MSRA: variants seen among roughly 807,000 people sequenced by gnomAD.
MSRA encodes the protein mitochondrial peptide methionine sulfoxide reductase.
In MSRA, 54 loss-of-function variants were observed where a neutral mutation model predicts 31.3. That is an observed-to-expected ratio of 1.73 (90% confidence interval 1.39 to 2.17). The LOEUF (loss-of-function observed/expected upper bound fraction) is 2.17. Among genes scored for constraint, MSRA ranks in the 30% most tolerant of loss-of-function variants. The probability of loss-of-function intolerance (pLI) is 0.00; values close to 1 mark genes in which losing one functional copy is unlikely to be tolerated. For missense variants in MSRA, 507 were observed against 300.9 expected, an observed-to-expected ratio of 1.69 and a Z score of -5.07; for synonymous variants, 169 against 116.5, an observed-to-expected ratio of 1.45 and a Z score of -2.90.
chr8:10,196,914 A>G (rs1270924798), intron 1 of MSRA, among the ~76,000 whole-genome samples: 2 of 152,172 alleles, frequency 1.3e-5, no homozygotes, highest in Non-Finnish European at 2.9e-5. Flanking sequence ...TATGATTTGT[A>G]TATGACTCTT....
At chr8:10,323,745 C>CGTGTGTATGT (rs1554526753) in intron 5 of MSRA, among the ~76,000 whole-genome samples, 1 of 142,622 alleles carries the variant, frequency 7.0e-6, no homozygotes, top group African/African-American at 2.6e-5. Context: ...GAATTAAATA[C>CGTGTGTATGT]GTGTGTGTGT....
At chr8:10,054,756 C>T (rs974120275) in intron 1 of MSRA, 98 bp downstream of exon 1, 1 of 1,290,840 alleles carries the variant, frequency 7.7e-7, no homozygotes, top group Non-Finnish European at 9.9e-7. Flanking sequence ...AAGCCGTGGG[C>T]TGGCCTCGGG....
At chr8:10,162,866 C>G (rs562749793) in intron 1 of MSRA, among the ~76,000 whole-genome samples, 3 of 152,298 alleles carry the variant, frequency 2.0e-5, no homozygotes, top group South Asian at 4.1e-4. Flanking sequence ...CCCTCCCCGC[C>G]TCAGCCACGA....
At chr8:10,386,390 A>G (rs967017421) in intron 5 of MSRA, among the ~76,000 whole-genome samples, 4 of 152,192 alleles carry the variant, frequency 2.6e-5, no homozygotes, top group African/African-American at 9.6e-5. Context: ...TGATGAACAG[A>G]TATACCTGAA....
At chr8:10,394,181 T>G (rs940343345) in intron 5 of MSRA, among the ~76,000 whole-genome samples, 1 of 152,216 alleles carries the variant, frequency 6.6e-6, no homozygotes, top group Non-Finnish European at 1.5e-5. Context: ...CATTGATCTT[T>G]CCAAAACCAA....
intron 4 of MSRA, among the ~76,000 whole-genome samples, chr8:10,314,142 C>A (rs1801586754): frequency 6.6e-6 from 1 of 151,840 alleles, no homozygotes; most frequent in Non-Finnish European, 1.5e-5. Flanking sequence ...AAATATTTGA[C>A]AAATTTAACT....
At chr8:10,292,824 C>T (rs1206555533) in intron 3 of MSRA, among the ~76,000 whole-genome samples, 2 of 152,058 alleles carry the variant, frequency 1.3e-5, no homozygotes, top group African/African-American at 4.8e-5. Flanking sequence ...GTGGGCGAGC[C>T]CTACAGGCTG....
At chr8:10,199,414 G>T (rs1452265115) in intron 1 of MSRA, among the ~76,000 whole-genome samples, 1 of 152,130 alleles carries the variant, frequency 6.6e-6, no homozygotes, top group Non-Finnish European at 1.5e-5. Context: ...GCACCTCCCG[G>T]GTTCAAGTGA....
intron 1 of MSRA, among the ~76,000 whole-genome samples, chr8:10,133,457 A>G (rs1423618959): frequency 4.6e-5 from 7 of 152,118 alleles, no homozygotes; most frequent in Non-Finnish European, 8.8e-5. Context: ...GGGCACAAAT[A>G]AGGTCTTAGG....
chr8:10,176,511 C>G (rs1426387706), intron 1 of MSRA, among the ~76,000 whole-genome samples: 1 of 152,204 alleles, frequency 6.6e-6, no homozygotes, highest in African/African-American at 2.4e-5. Context: ...TCCTTTGTTT[C>G]CTTCTTCATG....
At chr8:10,267,393 G>C (rs1382981180) in intron 3 of MSRA, among the ~76,000 whole-genome samples, 1 of 152,146 alleles carries the variant, frequency 6.6e-6, no homozygotes, top group Non-Finnish European at 1.5e-5. Context: ...ATTTTGGAAA[G>C]ACAAAATGGG....
At chr8:10,145,031 A>T (rs1803022568) in intron 1 of MSRA, among the ~76,000 whole-genome samples, 1 of 152,166 alleles carries the variant, frequency 6.6e-6, no homozygotes. Flanking sequence ...TTCAGACAAT[A>T]AATAGCTGTC....
At chr8:10,335,944 A>G (rs1171270225) in intron 5 of MSRA, among the ~76,000 whole-genome samples, 1 of 151,786 alleles carries the variant, frequency 6.6e-6, no homozygotes, top group Admixed American at 6.6e-5. Flanking sequence ...CAGGATGCAC[A>G]CTCCCGCTCC....
chr8:10,095,036 A>G (rs996295701), intron 1 of MSRA, among the ~76,000 whole-genome samples: 1 of 152,234 alleles, frequency 6.6e-6, no homozygotes, highest in African/African-American at 2.4e-5. Flanking sequence ...AACTATATTC[A>G]TTCTCCATAG....
intron 5 of MSRA, among the ~76,000 whole-genome samples, chr8:10,343,432 C>T (rs1442412583): frequency 6.6e-6 from 1 of 152,180 alleles, no homozygotes; most frequent in African/African-American, 2.4e-5. Context: ...GTTGAATAAC[C>T]TGCAGCATGA....
chr8:10,175,149 C>T (rs1425834730), intron 1 of MSRA, among the ~76,000 whole-genome samples: 1 of 152,138 alleles, frequency 6.6e-6, no homozygotes, highest in African/African-American at 2.4e-5. Context: ...GTCCCGGTCA[C>T]TTCACCATCT....
chr8:10,270,878 C>T (rs1026079427), intron 3 of MSRA, among the ~76,000 whole-genome samples: 1 of 152,138 alleles, frequency 6.6e-6, no homozygotes, highest in Admixed American at 6.5e-5. Context: ...GGGAGAGGCA[C>T]CCGGACACAA....
At chr8:10,293,534 C>G (rs886705894) in intron 3 of MSRA, among the ~76,000 whole-genome samples, 2 of 152,208 alleles carry the variant, frequency 1.3e-5, no homozygotes, top group African/African-American at 4.8e-5. Flanking sequence ...TCCAGCCTCC[C>G]CCACTTGATA....
At chr8:10,319,441 C>G (rs1400663564) in intron 4 of MSRA, among the ~76,000 whole-genome samples, 1 of 152,048 alleles carries the variant, frequency 6.6e-6, no homozygotes, top group Non-Finnish European at 1.5e-5. Context: ...AAGCACCGTG[C>G]CAGGAATTTA....
Sources: allele counts gnomAD v4.1 joint callset (sites outside exome capture counted in the v4.1 genomes callset), GRCh38; gene constraint gnomAD v4.1.1; transcripts MANE v1.5; gene names NCBI Gene and HGNC (gene_info 2026-07-23, HGNC 2026-07-21).